Variants in ANAPC10 observed in about 807,000 individuals in gnomAD.
ANAPC10 encodes anaphase-promoting complex subunit 10.
A neutral mutation model predicts 22.0 loss-of-function variants in ANAPC10; 12 were observed. That is an observed-to-expected ratio of 0.55 (90% CI 0.35 to 0.88). The LOEUF is 0.88. Among genes scored for constraint, ANAPC10 ranks in the 40% least tolerant of loss-of-function variants. The probability of loss-of-function intolerance (pLI) is 0.01; values close to 1 mark genes in which losing one functional copy is unlikely to be tolerated. For synonymous variants in ANAPC10, 65 were observed against 69.5 expected, an observed-to-expected ratio of 0.94 and a Z score of 0.32; for missense variants, 188 against 220.9, an observed-to-expected ratio of 0.85 and a Z score of 0.94.
chr4:145,064,486 C>A, intron 4 of ANAPC10, 86 bp downstream of exon 4: 1 of 1,036,460 alleles, frequency 9.6e-7, no homozygotes, highest in East Asian at 2.8e-5. Flanking sequence ...AACATTTTAA[C>A]CTGTCTAATG....
At chr4:145,049,800 G>GGCAACAAGC (rs1253193638) in intron 4 of ANAPC10, among the ~76,000 whole-genome samples, 25 of 151,954 alleles carry the variant, frequency 1.6e-4, no homozygotes, top group Non-Finnish European at 7.4e-5. Flanking sequence ...GCCCAGGCTG[G>GGCAACAAGC]TCTTGAGCTC....
intron 4 of ANAPC10, among the ~76,000 whole-genome samples, chr4:145,048,183 C>T (rs75612334): frequency 0.021 from 3,220 of 152,220 alleles, 56 homozygotes; most frequent in Non-Finnish European, 0.029. Context: ...TCAAAGGCCA[C>T]TGCAGAAATA....
At chr4:145,085,072 G>C (rs1179865819) in intron 2 of ANAPC10, among the ~76,000 whole-genome samples, 2 of 152,018 alleles carry the variant, frequency 1.3e-5, no homozygotes, top group Non-Finnish European at 2.9e-5. Context: ...ATAAAAAGCT[G>C]TTTTACCAGC....
At chr4:145,059,717 TA>T (rs1742602280) in intron 4 of ANAPC10, among the ~76,000 whole-genome samples, 1 of 152,216 alleles carries the variant, frequency 6.6e-6, no homozygotes, top group South Asian at 2.1e-4. Context: ...CAATAATTTT[TA>T]AAAACAACAA....
chr4:145,024,013 A>T (rs1205052923), intron 4 of ANAPC10, among the ~76,000 whole-genome samples: 5 of 152,164 alleles, frequency 3.3e-5, no homozygotes, highest in Non-Finnish European at 5.9e-5. Flanking sequence ...CTTTGTTGTC[A>T]TTTTGACAAT....
At chr4:145,064,817 C>A (rs1579084502) in intron 3 of ANAPC10, 125 bp from the exon 4 acceptor site, 2 of 809,286 alleles carry the variant, frequency 2.5e-6, no homozygotes, top group Admixed American at 3.1e-5. Context: ...ATTTTCATAT[C>A]TTTTAATTTC....
At position 145,026,945 on chromosome 4, in the gene ANAPC10, A is replaced by ATATATATATATATGTGTGTG. The variant is rs1287102797; in HGVS notation, c.328-31343_328-31342insCACACACATATATATATATA. Among the ~76,000 whole-genome samples, 12 of 17,156 alleles carry ATATATATATATATGTGTGTG rather than the reference A, an allele frequency of 7.0e-4. 1 individual carries two copies. Among genetic ancestry groups the ATATATATATATATGTGTGTG allele is most frequent in the South Asian group, 5.3e-3 (1 of 190 alleles). 11.3% of individuals were successfully genotyped at this position (17,156 alleles called of 152,430 possible). ...CATATATATATATATATATATATAT[A>ATATATATATATATGTGTGTG]TGTGTGTGTGTGTATATATATATAT... On this transcript the variant is annotated intron_variant, in intron 4 of 4. Coordinates refer to ENST00000507656, the MANE Select transcript of ANAPC10 (RefSeq NM_001256706.2).
At chr4:144,999,540 A>G (rs1454755257) in intron 4 of ANAPC10, among the ~76,000 whole-genome samples, 2 of 152,212 alleles carry the variant, frequency 1.3e-5, no homozygotes, top group African/African-American at 4.8e-5. Flanking sequence ...CCACTGCTCA[A>G]TGAAATGAAA....
intron 4 of ANAPC10, among the ~76,000 whole-genome samples, chr4:145,009,070 G>T (rs944782630): frequency 1.3e-5 from 2 of 152,038 alleles, no homozygotes; most frequent in African/African-American, 2.4e-5. Flanking sequence ...AATCATGAGT[G>T]AACTCCCATT....
chr4:145,077,939 A>G (rs543050243), intron 3 of ANAPC10, among the ~76,000 whole-genome samples: 2 of 152,226 alleles, frequency 1.3e-5, no homozygotes, highest in Non-Finnish European at 2.9e-5. Context: ...ACTGGAAGGA[A>G]GCATTCCACT....
chr4:145,007,738 T>C (rs891633905), intron 4 of ANAPC10, among the ~76,000 whole-genome samples: 22 of 151,780 alleles, frequency 1.4e-4, no homozygotes, highest in Admixed American at 9.2e-4. Context: ...AAGATCAAAA[T>C]TGACACAATA....
At chr4:145,032,104 T>A (rs1737674242) in intron 4 of ANAPC10, among the ~76,000 whole-genome samples, 1 of 151,844 alleles carries the variant, frequency 6.6e-6, no homozygotes, top group Admixed American at 6.6e-5. Context: ...CTCATGGGAG[T>A]TTCCTATGAT....
chr4:145,055,456 G>C (rs1291976350), intron 4 of ANAPC10, among the ~76,000 whole-genome samples: 2 of 152,134 alleles, frequency 1.3e-5, no homozygotes, highest in Admixed American at 6.5e-5. Flanking sequence ...TACTCAGGAG[G>C]CTGAGGCATG....
chr4:145,007,378 C>T (rs10003727), intron 4 of ANAPC10, among the ~76,000 whole-genome samples: 65,187 of 151,898 alleles, frequency 0.43, 14,371 homozygotes, highest in Middle Eastern at 0.5. Context: ...AAATTGACCA[C>T]ATAGTTGGAA....
chr4:145,088,621 T>A (rs1747227654), intron 2 of ANAPC10, among the ~76,000 whole-genome samples: 1 of 152,122 alleles, frequency 6.6e-6, no homozygotes, highest in African/African-American at 2.4e-5. Context: ...CAGTTCTTAA[T>A]CCTAGTCCAA....
At chr4:145,059,790 C>G (rs2126424626) in intron 4 of ANAPC10, among the ~76,000 whole-genome samples, 1 of 152,052 alleles carries the variant, frequency 6.6e-6, no homozygotes, top group East Asian at 1.9e-4. Context: ...GAGATATTTT[C>G]TAAAATGCTA....
At chr4:145,018,126 T>C (rs191757121) in intron 4 of ANAPC10, among the ~76,000 whole-genome samples, 2 of 148,324 alleles carry the variant, frequency 1.3e-5, no homozygotes, top group East Asian at 3.9e-4. Context: ...ATAAAAAAAA[T>C]ATATATATAT....
chr4:145,007,357 C>T lies in ANAPC10; in HGVS notation c.328-11754G>A, dbSNP rs745631722. On this transcript the variant is annotated intron_variant, in intron 4 of 4. Transcript: ENST00000507656. ...TATACATTCTTCTCAGCACCCCACA[C>T]GCTTATTCCAAAATTGACCACATAG... Among the ~76,000 whole-genome samples, 61 of 152,206 alleles carry T rather than the reference C, an allele frequency of 4.0e-4. 1 individual carries two copies. The Middle Eastern group carries it at 0.02, about 51-fold the overall frequency.
At chr4:145,019,685 T>C (rs1032259233) in intron 4 of ANAPC10, among the ~76,000 whole-genome samples, 2 of 152,046 alleles carry the variant, frequency 1.3e-5, no homozygotes, top group African/African-American at 4.8e-5. Context: ...TGATAGACCA[T>C]TAGCAAGATT....
Sources: allele counts gnomAD v4.1 joint callset (sites outside exome capture counted in the v4.1 genomes callset), GRCh38; gene constraint gnomAD v4.1.1; transcripts MANE v1.5; gene names NCBI Gene and HGNC (gene_info 2026-07-23, HGNC 2026-07-21).